The following SNAP47 variants were observed in gnomAD, a reference collection of about 807,000 sequenced individuals.
The protein encoded by SNAP47 is synaptosomal-associated protein 47.
A neutral mutation model predicts 31.4 loss-of-function variants in SNAP47; 20 were observed. The ratio of observed to expected loss-of-function variants is 0.64; its 90% CI spans 0.45 to 0.93. SNAP47 has a LOEUF of 0.93. Among genes scored for constraint, SNAP47 ranks in the 40% least tolerant of loss-of-function variants. The pLI, the probability that SNAP47 is intolerant of heterozygous loss-of-function variation, is 0.00. For synonymous variants in SNAP47, 194 were observed against 213.4 expected, an observed-to-expected ratio of 0.91 and a Z score of 0.79; for missense variants, 492 against 528.5, an observed-to-expected ratio of 0.93 and a Z score of 0.68.
chr1:227,776,126 C>G (rs1038519925), intron 4 of SNAP47: 12 of 1,163,912 alleles, frequency 1.0e-5, no homozygotes, highest in Non-Finnish European at 1.3e-5. Context: ...CCCTTCCTGG[C>G]TCTGACGCCC....
rs1661624768 is a variant in SNAP47 at position 227,741,826 on chromosome 1, A to T, written c.-45-5866A>T. ...CCGTCCTTGCACTGCATCTCCGTTGACTAAGGTTTTCTGGGAAAGAAGCCC... is the reference window on the plus strand; with the variant it reads ...CCGTCCTTGCACTGCATCTCCGTTGTCTAAGGTTTTCTGGGAAAGAAGCCC... On this transcript the variant is annotated intron_variant, in intron 1 of 4. Coordinates refer to ENST00000617596, the MANE Select transcript of SNAP47 (RefSeq NM_053052.4). The surrounding 1 kb of genome is among the most constrained non-coding windows in gnomAD (Gnocchi z 4.2). Among the ~76,000 whole-genome samples, 1 of 152,050 alleles carries T rather than the reference A, an allele frequency of 6.6e-6. No homozygotes were observed. The highest frequency in any genetic ancestry group is 1.5e-5 in the Non-Finnish European group (1 of 68,016).
chr1:227,758,424 T>G (rs1329659101), intron 2 of SNAP47, among the ~76,000 whole-genome samples: 2 of 152,032 alleles, frequency 1.3e-5, no homozygotes, highest in African/African-American at 4.8e-5. Context: ...GGGTGCAGAG[T>G]GTACTCTGAG....
At chr1:227,744,421 G>C (rs536671841) in intron 1 of SNAP47, among the ~76,000 whole-genome samples, 9 of 152,266 alleles carry the variant, frequency 5.9e-5, no homozygotes, top group Admixed American at 2.0e-4. Context: ...GGTATTTGTG[G>C]AATACTTAAG....
At position 227,777,730 on chromosome 1, in the gene SNAP47, A is replaced by G. The variant is rs12565109; in HGVS notation, c.1114-2797A>G. ...CAGATTTAATACAGCTTATTCAGCT[A>G]CTCTTAGTGTCATCCTGCCAAAGAC... On this transcript the variant is annotated intron_variant, in intron 4 of 4. Transcript: ENST00000617596. 4.6e-3 allele frequency among the ~76,000 whole-genome samples: 693 copies of G among 152,180 alleles called. 16 individuals carry two copies. The South Asian group carries it at 0.054, about 12-fold the overall frequency.
chr1:227,732,151 C>T (rs888316221), upstream of SNAP47: 1 of 584,826 alleles, frequency 1.7e-6, no homozygotes, highest in South Asian at 2.1e-5. Context: ...GGTCCTGGCA[C>T]CATCTCCGAG....
chr1:227,773,666 G>C (rs566305767), intron 4 of SNAP47, among the ~76,000 whole-genome samples: 1 of 152,286 alleles, frequency 6.6e-6, no homozygotes, highest in South Asian at 2.1e-4. Context: ...GCACATTTAC[G>C]GCACCTTCTC....
intron 4 of SNAP47, chr1:227,777,188 G>A: frequency 2.9e-6 from 2 of 700,230 alleles, no homozygotes; most frequent in South Asian, 1.3e-4. Context: ...GAGAATAATT[G>A]TACATACTCA....
chr1:227,768,239 TC>T (rs1663563955), intron 4 of SNAP47: 25 of 982,588 alleles, frequency 2.5e-5, no homozygotes, highest in Admixed American at 6.1e-5. Context: ...CGTCTCGTCT[TC>T]CCCTACAGTT....
chr1:227,740,241 G>A (rs151019479), intron 1 of SNAP47, among the ~76,000 whole-genome samples: 156 of 152,348 alleles, frequency 1.0e-3, no homozygotes, highest in African/African-American at 3.7e-3. Context: ...GGGAGCAGAG[G>A]GCAGGGGAAG....
rs1663118882 is a variant in SNAP47, at chr1:227,762,401, T to C, written c.988+2916T>C. 6.6e-6 allele frequency among the ~76,000 whole-genome samples: 1 copy of C among 152,224 alleles called. No individual in the cohort carries two copies. The highest frequency in any genetic ancestry group is 1.5e-5 in the Non-Finnish European group (1 of 68,038). On this transcript the variant is annotated intron_variant, in intron 3 of 4. Transcript: ENST00000617596. The surrounding 1 kb of genome is among the most constrained non-coding windows in gnomAD (Gnocchi z 4.2). Reference sequence around the variant, plus strand: ...CGTTTGATGGGAGCTCAGTAGTCTGTGGGGCACTTGTGGCTCTGAGGCCTT... The same window carrying C: ...CGTTTGATGGGAGCTCAGTAGTCTGCGGGGCACTTGTGGCTCTGAGGCCTT...
At chr1:227,732,316 G>A (rs988783478), upstream of SNAP47, 59 of 1,528,008 alleles carry the variant, frequency 3.9e-5, no homozygotes, top group Non-Finnish European at 5.2e-5. Flanking sequence ...CAGGGAGGGC[G>A]GTCTTTATTT....
chr1:227,735,196 A>T (rs778543835), upstream of SNAP47: 13 of 1,581,902 alleles, frequency 8.2e-6, no homozygotes, highest in South Asian at 1.5e-4. Flanking sequence ...CCCGGCCCGG[A>T]GCCTGGCCGA....
At chr1:227,735,241 G>A (rs1325199346), upstream of SNAP47, 10 of 1,600,318 alleles carry the variant, frequency 6.2e-6, no homozygotes, top group Non-Finnish European at 8.5e-6. Context: ...CTCGGAAGTG[G>A]CTGTCGGCGA....
upstream of SNAP47, chr1:227,733,126 T>A: frequency 7.3e-7 from 1 of 1,362,804 alleles, no homozygotes; most frequent in Non-Finnish European, 1.0e-6. Context: ...GGTCCAGCCC[T>A]CTGCAGCCAA....
At chr1:227,780,333 C>A (rs566640961) in intron 4 of SNAP47, among the ~76,000 whole-genome samples, 194 bp from the exon 5 acceptor site, 4 of 152,240 alleles carry the variant, frequency 2.6e-5, no homozygotes, top group Admixed American at 6.5e-5. Flanking sequence ...CTCATCTCAT[C>A]AGGCCTGTAC....
chr1:227,739,438 T>C (rs988342127), intron 1 of SNAP47, among the ~76,000 whole-genome samples: 1 of 152,176 alleles, frequency 6.6e-6, no homozygotes, highest in African/African-American at 2.4e-5. Context: ...GTCTGCACTT[T>C]GTGGCTAGAG....
intron 4 of SNAP47, among the ~76,000 whole-genome samples, chr1:227,770,321 T>TTGGGGCTCAGGTAGGGCTCACG (rs1293903900): frequency 4.8e-4 from 73 of 152,300 alleles, no homozygotes; most frequent in Non-Finnish European, 8.4e-4. Flanking sequence ...TCAGGCTCAC[T>TTGGGGCTCAGGTAGGGCTCACG]TGGGGCTCAG....
At chr1:227,771,270 T>C (rs1278738958) in intron 4 of SNAP47, among the ~76,000 whole-genome samples, 1 of 152,214 alleles carries the variant, frequency 6.6e-6, no homozygotes, top group Non-Finnish European at 1.5e-5. Flanking sequence ...TTTATGGCCT[T>C]GACAGCAGTC....
At chr1:227,735,267 G>T (rs763500823), upstream of SNAP47, 1 of 1,605,692 alleles carries the variant, frequency 6.2e-7, no homozygotes, top group East Asian at 2.2e-5. Context: ...CGCGTCTCGC[G>T]GTCCATCCAG....
Sources: allele counts gnomAD v4.1 joint callset (sites outside exome capture counted in the v4.1 genomes callset), GRCh38; gene constraint gnomAD v4.1.1; non-coding constraint Gnocchi (gnomAD v3.1); transcripts MANE v1.5; gene names NCBI Gene and HGNC (gene_info 2026-07-23, HGNC 2026-07-21).